The following CHSY3 variants were observed in gnomAD, a reference collection of about 807,000 sequenced individuals.
The protein encoded by CHSY3 is N-acetylgalactosaminyl-proteoglycan 3-beta-glucuronosyltransferase 3.
In CHSY3, 35 loss-of-function variants were observed where a neutral mutation model predicts 67.2. That is an observed-to-expected ratio of 0.52 (90% CI 0.40 to 0.69). The LOEUF is 0.69. Ranked by LOEUF, CHSY3 falls within the 30% of genes least tolerant of loss-of-function variation. The pLI, the probability that CHSY3 is intolerant of heterozygous loss-of-function variation, is 0.00. For missense variants in CHSY3, 1,069 were observed against 1,138.5 expected, an observed-to-expected ratio of 0.94 and a Z score of 0.88; for synonymous variants, 474 against 434.7, an observed-to-expected ratio of 1.09 and a Z score of -1.12.
At chr5:130,171,062 A>G (rs914047246) in intron 2 of CHSY3, among the ~76,000 whole-genome samples, 1 of 152,170 alleles carries the variant, frequency 6.6e-6, no homozygotes, top group Non-Finnish European at 1.5e-5. Context: ...CAAACGTAAT[A>G]TTCTTCTTTA....
intron 2 of CHSY3, among the ~76,000 whole-genome samples, chr5:130,138,515 G>A (rs1057393555): frequency 3.3e-5 from 5 of 152,306 alleles, no homozygotes; most frequent in South Asian, 4.2e-4. Context: ...ATGGCAGGAG[G>A]TGGGCTACAG....
chr5:130,029,742 C>T (rs1315779868), intron 2 of CHSY3, among the ~76,000 whole-genome samples: 1 of 152,040 alleles, frequency 6.6e-6, no homozygotes, highest in Non-Finnish European at 1.5e-5. Flanking sequence ...ACTTCAGTAA[C>T]ATAATCTCTT....
chr5:130,046,803 A>G (rs1765167159), intron 2 of CHSY3, among the ~76,000 whole-genome samples: 2 of 152,086 alleles, frequency 1.3e-5, no homozygotes, highest in African/African-American at 4.8e-5. Flanking sequence ...AAATGCCTGT[A>G]TAGAAAATCA....
At chr5:130,000,732 C>CTTCTTT (rs776331371) in intron 2 of CHSY3, among the ~76,000 whole-genome samples, 65 of 76,474 alleles carry the variant, frequency 8.5e-4, no homozygotes, top group Admixed American at 1.3e-3. Flanking sequence ...AACTTTTCTT[C>CTTCTTT]TTTTTTTTTT....
At chr5:130,150,749 A>G (rs930329398) in intron 2 of CHSY3, among the ~76,000 whole-genome samples, 6 of 152,320 alleles carry the variant, frequency 3.9e-5, no homozygotes, top group African/African-American at 1.4e-4. Flanking sequence ...GGACACATTC[A>G]AAATAGTACA....
intron 2 of CHSY3, among the ~76,000 whole-genome samples, chr5:130,169,476 A>G (rs1013221302): frequency 7.9e-5 from 12 of 152,124 alleles, no homozygotes; most frequent in African/African-American, 2.9e-4. Context: ...AATGATGATC[A>G]CTGGAAATTA....
chr5:129,921,149 C>T (rs1760911114), intron 2 of CHSY3, among the ~76,000 whole-genome samples: 1 of 152,094 alleles, frequency 6.6e-6, no homozygotes, highest in African/African-American at 2.4e-5. Context: ...AGAACTTTCA[C>T]CTTTTCACTC....
At chr5:129,990,788 G>A (rs1424668850) in intron 2 of CHSY3, among the ~76,000 whole-genome samples, 1 of 152,054 alleles carries the variant, frequency 6.6e-6, no homozygotes, top group Non-Finnish European at 1.5e-5. Flanking sequence ...GTGACAATAT[G>A]AAAAAACATA....
At chr5:130,154,605 G>A (rs1769320648) in intron 2 of CHSY3, among the ~76,000 whole-genome samples, 1 of 152,134 alleles carries the variant, frequency 6.6e-6, no homozygotes, top group Non-Finnish European at 1.5e-5. Context: ...AAATCATTGG[G>A]TTGAGAGTGT....
At chr5:130,128,253 T>C (rs79674552) in intron 2 of CHSY3, among the ~76,000 whole-genome samples, 32 of 151,028 alleles carry the variant, frequency 2.1e-4, no homozygotes, top group Middle Eastern at 3.4e-3. Context: ...TGTGTGTGTG[T>C]GCGCTCACAT....
At chr5:129,916,985 A>G (rs1048907255) in intron 2 of CHSY3, among the ~76,000 whole-genome samples, 3 of 152,148 alleles carry the variant, frequency 2.0e-5, no homozygotes, top group African/African-American at 7.2e-5. Context: ...TTCTTAAGTA[A>G]GCCTCTTCTT....
chr5:130,016,147 G>A (rs1288670570), intron 2 of CHSY3, among the ~76,000 whole-genome samples: 2 of 152,170 alleles, frequency 1.3e-5, no homozygotes, highest in South Asian at 2.1e-4. Context: ...TCTCTACCTG[G>A]TGATGGAGTA....
rs150490435 is a variant in CHSY3 at position 130,184,514 on chromosome 5, C to T, written c.1372C>T (p.Arg458Trp). ...VIPSFNHFQPRERNEVIEWEF... is the reference protein window; with the variant it reads ...VIPSFNHFQPWERNEVIEWEF... ...ACCTTCTTTCAACCACTTCCAGCCT[C>T]GGGAGAGAAATGAAGTGATAGAATG... is the stretch of plus-strand genomic sequence containing the variant. The change falls in exon 3 of 3, where the codon CGG becomes TGG. Residue 458 changes from arginine (R) to tryptophan (W), a missense_variant. Transcript: ENST00000305031. 2.5e-6 allele frequency: 4 copies of T among 1,611,066 alleles called. No individual in the cohort carries two copies. Among genetic ancestry groups the T allele is most frequent in the East Asian group, 4.5e-5 (2 of 44,874 alleles).
chr5:130,162,057 A>AAG (rs1554087187), intron 2 of CHSY3, among the ~76,000 whole-genome samples: 34 of 122,972 alleles, frequency 2.8e-4, no homozygotes, highest in African/African-American at 9.4e-4. Flanking sequence ...AAAAAAAAAA[A>AAG]AAAGAAAGAA....
At chr5:129,970,825 G>A (rs1762621107) in intron 2 of CHSY3, among the ~76,000 whole-genome samples, 1 of 151,790 alleles carries the variant, frequency 6.6e-6, no homozygotes, top group Admixed American at 6.6e-5. Context: ...ATTTGAATTT[G>A]GTAAATGTCC....
intron 2 of CHSY3, among the ~76,000 whole-genome samples, chr5:130,046,380 C>T (rs1263703354): frequency 2.6e-5 from 4 of 152,174 alleles, no homozygotes; most frequent in African/African-American, 9.6e-5. Context: ...GGAATGTTAT[C>T]ATGAAAATAA....
chr5:130,152,469 T>C (rs941397275), intron 2 of CHSY3, among the ~76,000 whole-genome samples: 2 of 152,214 alleles, frequency 1.3e-5, no homozygotes, highest in Admixed American at 6.5e-5. Flanking sequence ...TTGTAGATAT[T>C]TTTATGTCGA....
At chr5:130,014,391 T>G (rs1340825000) in intron 2 of CHSY3, among the ~76,000 whole-genome samples, 1 of 152,220 alleles carries the variant, frequency 6.6e-6, no homozygotes, top group East Asian at 1.9e-4. Flanking sequence ...AAAAGAGGTT[T>G]AATTGACTCA....
chr5:129,910,271 C>T (rs760772124), intron 2 of CHSY3, among the ~76,000 whole-genome samples: 2 of 151,940 alleles, frequency 1.3e-5, no homozygotes, highest in African/African-American at 4.8e-5. Flanking sequence ...CATAACTTTT[C>T]GTAATACATT....
Sources: gnomAD v4.1 joint callset for allele counts (sites outside exome capture counted in the v4.1 genomes callset) on GRCh38, gnomAD v4.1.1 for gene constraint, MANE v1.5 for transcripts, NCBI Gene and HGNC (gene_info 2026-07-23, HGNC 2026-07-21) for gene names.